MTDH: variants seen among roughly 807,000 people sequenced by gnomAD.
MTDH encodes the protein metadherin.
A neutral mutation model predicts 72.7 loss-of-function variants in MTDH; 34 were observed. The ratio of observed to expected loss-of-function variants is 0.47; its 90% confidence interval spans 0.36 to 0.62. The LOEUF is 0.62. Among genes scored for constraint, MTDH ranks in the 20% least tolerant of loss-of-function variants. MTDH has a pLI of 0.00. For missense variants in MTDH, 677 were observed against 699.4 expected, an observed-to-expected ratio of 0.97 and a Z score of 0.36; for synonymous variants, 266 against 268.9, an observed-to-expected ratio of 0.99 and a Z score of 0.10.
chr8:97,721,984 G>A (rs921583724), intron 10 of MTDH, among the ~76,000 whole-genome samples: 1 of 152,224 alleles, frequency 6.6e-6, no homozygotes. Flanking sequence ...TGTTGGGAAG[G>A]AGATTAGGAG....
intron 1 of MTDH, among the ~76,000 whole-genome samples, chr8:97,652,495 G>C (rs543859968): frequency 6.6e-6 from 1 of 152,098 alleles, no homozygotes; most frequent in Non-Finnish European, 1.5e-5. Context: ...CCTTCATAGT[G>C]GTTATTACAG....
intron 8 of MTDH, among the ~76,000 whole-genome samples, chr8:97,711,810 A>G (rs1563565358): frequency 1.3e-5 from 2 of 152,352 alleles, no homozygotes; most frequent in South Asian, 2.1e-4. Flanking sequence ...AATAAAAGTT[A>G]TGTGAATGTG....
intron 8 of MTDH, among the ~76,000 whole-genome samples, chr8:97,709,174 A>G (rs906902513): frequency 1.3e-5 from 2 of 150,878 alleles, no homozygotes; most frequent in Non-Finnish European, 2.9e-5. Context: ...AGCCTGGACA[A>G]CATAGCGAGA....
chr8:97,680,487 T>TA (rs1344758811), intron 2 of MTDH, among the ~76,000 whole-genome samples: 1 of 152,216 alleles, frequency 6.6e-6, no homozygotes, highest in Non-Finnish European at 1.5e-5. Flanking sequence ...TTAGGAGTGT[T>TA]ATGGTGTGTG....
intron 2 of MTDH, among the ~76,000 whole-genome samples, chr8:97,674,535 AAAAT>A (rs754109910): frequency 6.6e-6 from 1 of 152,240 alleles, no homozygotes; most frequent in Non-Finnish European, 1.5e-5. Flanking sequence ...ACAAGTGAGA[AAAAT>A]AAATAGTGCC....
Position 97,706,742 on chromosome 8 carries a change from G to T in MTDH, c.1264G>T (p.Asp422Tyr). Residue 422 changes from aspartate to tyrosine, a missense_variant, in exon 8 of 12, where the codon GAT becomes TAT. Around this residue, in one of 3 missense-constraint regions of MTDH, gnomAD observed 201 missense variants for 204.5 expected, o/e 0.98. Coordinates refer to ENST00000336273, the MANE Select transcript of MTDH (RefSeq NM_178812.4). ...AAAGTCCCAGGAACCAATTCCTGAT[G>T]ATCAAAAGGTGAGTATAAGAGATTC... ...LLKSQEPIPD[D>Y]QKVSDDDKEK... 6.2e-7 allele frequency: 1 copy of T among 1,613,056 alleles called. No individual in the cohort carries two copies.
At chr8:97,668,030 G>T (rs577943907) in intron 2 of MTDH, among the ~76,000 whole-genome samples, 2 of 152,218 alleles carry the variant, frequency 1.3e-5, no homozygotes, top group East Asian at 1.9e-4. Flanking sequence ...GCTCACGCCT[G>T]TAATCCCAGC....
At chr8:97,682,282 T>A (rs867250477) in intron 2 of MTDH, among the ~76,000 whole-genome samples, 242 of 10,440 alleles carry the variant, frequency 0.023, 1 homozygote, top group African/African-American at 0.08. Flanking sequence ...ATATATATAT[T>A]TTTTTTTTTT....
chr8:97,687,269 CATTCTT>C (rs1259023584), intron 3 of MTDH, among the ~76,000 whole-genome samples, 154 bp from the exon 4 acceptor site: 1 of 151,802 alleles, frequency 6.6e-6, no homozygotes, highest in Non-Finnish European at 1.5e-5. Context: ...AATTAGAAAA[CATTCTT>C]AGGATGAGTT....
At chr8:97,722,481 AG>A (rs1200648398) in intron 10 of MTDH, among the ~76,000 whole-genome samples, 1 of 152,164 alleles carries the variant, frequency 6.6e-6, no homozygotes, top group Non-Finnish European at 1.5e-5. Context: ...ACACGCCTGT[AG>A]TCCCAGCTAC....
intron 7 of MTDH, among the ~76,000 whole-genome samples, chr8:97,705,205 G>A (rs889970622): frequency 1.9e-4 from 29 of 151,970 alleles, no homozygotes; most frequent in African/African-American, 6.8e-4. Flanking sequence ...GCTGAGGCAG[G>A]AGAATCGCTT....
chr8:97,668,247 A>G (rs1019234128), intron 2 of MTDH, among the ~76,000 whole-genome samples: 1 of 152,118 alleles, frequency 6.6e-6, no homozygotes, highest in Non-Finnish European at 1.5e-5. Flanking sequence ...AAATCGCATC[A>G]CTATACTCCA....
rs117026063 is a variant in MTDH, at chr8:97,724,594, T to C, written c.1679-6T>C. 3.3e-3 allele frequency: 5,194 copies of C among 1,580,974 alleles called. 131 individuals carry two copies. The East Asian group carries it at 0.058, about 18-fold the overall frequency. ...TTTTCTTCGTTTTCCCCCTTTTCTT[T>C]TTTAGCCAAGTCTGAAACTAGCTGG... On this transcript the variant is annotated splice_region_variant and splice_polypyrimidine_tract_variant and intron_variant, in intron 11 of 11. Coordinates refer to ENST00000336273, the MANE Select transcript of MTDH (RefSeq NM_178812.4).
At chr8:97,683,391 T>A (rs1197229957) in intron 2 of MTDH, among the ~76,000 whole-genome samples, 1 of 151,762 alleles carries the variant, frequency 6.6e-6, no homozygotes, top group African/African-American at 2.4e-5. Flanking sequence ...GTTTTTTGTT[T>A]GTTTGTTTTT....
At chr8:97,668,798 G>A (rs1453297163) in intron 2 of MTDH, among the ~76,000 whole-genome samples, 7 of 151,862 alleles carry the variant, frequency 4.6e-5, no homozygotes, top group East Asian at 1.9e-4. Flanking sequence ...CAAATGGCCC[G>A]CCCACCTCGG....
At chr8:97,715,284 C>CACCCAGCT (rs1814817085) in intron 9 of MTDH, among the ~76,000 whole-genome samples, 1 of 151,974 alleles carries the variant, frequency 6.6e-6, no homozygotes, top group Non-Finnish European at 1.5e-5. Flanking sequence ...TGAGCCACCA[C>CACCCAGCT]ACCCAGCTAA....
At chr8:97,699,236 C>A (rs1303021991) in intron 6 of MTDH, among the ~76,000 whole-genome samples, 1 of 151,802 alleles carries the variant, frequency 6.6e-6, no homozygotes, top group African/African-American at 2.4e-5. Flanking sequence ...TGCAGTGAGC[C>A]GAGACTGTGC....
intron 8 of MTDH, among the ~76,000 whole-genome samples, chr8:97,708,112 C>T (rs1442410367): frequency 6.6e-6 from 1 of 151,852 alleles, no homozygotes; most frequent in Non-Finnish European, 1.5e-5. Flanking sequence ...GGATTACAGG[C>T]ACCTGCCACC....
chr8:97,697,150 A>ATTTTTTTT (rs59102217), intron 6 of MTDH, among the ~76,000 whole-genome samples: 119 of 68,260 alleles, frequency 1.7e-3, no homozygotes, highest in Middle Eastern at 7.5e-3. Context: ...ATATATATAT[A>ATTTTTTTT]TTTTTTTTTT....
Sources: gnomAD v4.1 joint callset for allele counts (sites outside exome capture counted in the v4.1 genomes callset) on GRCh38, gnomAD v4.1.1 for gene constraint, gnomAD v4.1.1 regional missense constraint, MANE v1.5 for transcripts, NCBI Gene and HGNC (gene_info 2026-07-23, HGNC 2026-07-21) for gene names.